TMEFF2: variants seen among roughly 807,000 people sequenced by gnomAD.
TMEFF2 encodes transmembrane protein with EGF like and two follistatin like domains 2.
TMEFF2 carries 28 observed loss-of-function variants against 53.8 expected under a neutral mutation model. That is an observed-to-expected ratio of 0.52 (90% CI 0.39 to 0.71). The LOEUF is 0.71. TMEFF2 is among the 30% of genes least tolerant of loss of function. The pLI is 0.00. For missense variants in TMEFF2, 353 were observed against 455.2 expected, an observed-to-expected ratio of 0.78 and a Z score of 2.04; for synonymous variants, 162 against 166.3, an observed-to-expected ratio of 0.97 and a Z score of 0.20.
chr2:191,951,180 T>C (rs1030300647), intron 9 of TMEFF2, among the ~76,000 whole-genome samples: 2 of 150,676 alleles, frequency 1.3e-5, no homozygotes, highest in Non-Finnish European at 3.0e-5. Context: ...TGTGTGTGTA[T>C]GTATGTGTAT....
At chr2:192,073,307 A>G (rs939388923) in intron 4 of TMEFF2, among the ~76,000 whole-genome samples, 9 of 151,916 alleles carry the variant, frequency 5.9e-5, no homozygotes, top group African/African-American at 1.9e-4. Context: ...GAAAACTGCT[A>G]TATGTTGACA....
intron 2 of TMEFF2, among the ~76,000 whole-genome samples, chr2:192,185,309 G>T (rs1691284560): frequency 6.6e-6 from 1 of 150,616 alleles, no homozygotes; most frequent in Admixed American, 6.6e-5. Context: ...ATGATACTTG[G>T]CTTTGTTCTA....
chr2:192,106,721 A>C, intron 4 of TMEFF2, among the ~76,000 whole-genome samples: 1 of 151,860 alleles, frequency 6.6e-6, no homozygotes, highest in East Asian at 1.9e-4. Context: ...TCCAAGATGA[A>C]TATATTGTCC....
chr2:192,050,780 AG>A (rs532881435), intron 5 of TMEFF2, among the ~76,000 whole-genome samples: 60 of 152,360 alleles, frequency 3.9e-4, no homozygotes, highest in Non-Finnish European at 6.2e-4. Flanking sequence ...GAAAAATATA[AG>A]CTGTTTATTT....
At chr2:191,973,912 A>G (rs908825124) in intron 7 of TMEFF2, among the ~76,000 whole-genome samples, 1 of 152,124 alleles carries the variant, frequency 6.6e-6, no homozygotes, top group Non-Finnish European at 1.5e-5. Context: ...GGATGTGTCT[A>G]CTTTCCCTTC....
chr2:192,011,900 T>A (rs1686635438), intron 5 of TMEFF2, among the ~76,000 whole-genome samples: 1 of 152,194 alleles, frequency 6.6e-6, no homozygotes, highest in African/African-American at 2.4e-5. Flanking sequence ...TTATCTTTTT[T>A]TTTTGAGACA....
At chr2:191,981,825 C>A (rs1398573881) in intron 7 of TMEFF2, among the ~76,000 whole-genome samples, 2 of 152,062 alleles carry the variant, frequency 1.3e-5, no homozygotes, top group African/African-American at 4.8e-5. Context: ...AATTCTGATC[C>A]CAACTAGCTA....
intron 4 of TMEFF2, among the ~76,000 whole-genome samples, chr2:192,075,889 G>A (rs1405399392): frequency 6.6e-6 from 1 of 151,860 alleles, no homozygotes; most frequent in Non-Finnish European, 1.5e-5. Flanking sequence ...TTTGTATTCT[G>A]TACTTGAGGA....
chr2:192,064,190 GTTTC>G (rs1688115278), intron 4 of TMEFF2, among the ~76,000 whole-genome samples: 1 of 151,664 alleles, frequency 6.6e-6, no homozygotes. Context: ...GGGAAGTAGT[GTTTC>G]TTTGTTATTA....
At chr2:191,976,230 C>A (rs577938615) in intron 7 of TMEFF2, among the ~76,000 whole-genome samples, 2 of 152,246 alleles carry the variant, frequency 1.3e-5, no homozygotes, top group Admixed American at 1.3e-4. Flanking sequence ...TAGATATTTC[C>A]TTATCTGTGA....
intron 5 of TMEFF2, among the ~76,000 whole-genome samples, chr2:192,051,350 G>C (rs1687766805): frequency 6.6e-6 from 1 of 151,846 alleles, no homozygotes; most frequent in Non-Finnish European, 1.5e-5. Context: ...AAACACCCTA[G>C]GGAGAAACTG....
intron 4 of TMEFF2, among the ~76,000 whole-genome samples, chr2:192,068,490 A>T (rs1688215801): frequency 6.6e-6 from 1 of 151,872 alleles, no homozygotes; most frequent in South Asian, 2.1e-4. Flanking sequence ...GAGTAAAAGG[A>T]TCAAGGGAGG....
chr2:192,007,489 A>G (rs1353378553), intron 5 of TMEFF2, among the ~76,000 whole-genome samples: 1 of 152,194 alleles, frequency 6.6e-6, no homozygotes, highest in African/African-American at 2.4e-5. Context: ...AGTGGTGGAG[A>G]GAATGCCTGG....
At chr2:192,097,314 T>C (rs1488971503) in intron 4 of TMEFF2, among the ~76,000 whole-genome samples, 1 of 152,234 alleles carries the variant, frequency 6.6e-6, no homozygotes, top group Non-Finnish European at 1.5e-5. Flanking sequence ...TTCCAGTTGA[T>C]TGTTGATTTG....
At chr2:191,974,965 T>C (rs924512428) in intron 7 of TMEFF2, among the ~76,000 whole-genome samples, 5 of 152,046 alleles carry the variant, frequency 3.3e-5, no homozygotes, top group African/African-American at 1.2e-4. Context: ...TACAAAGAGA[T>C]TAATTAATTA....
chr2:192,017,834 A>T (rs751715684), intron 5 of TMEFF2, among the ~76,000 whole-genome samples: 13 of 152,204 alleles, frequency 8.5e-5, no homozygotes, highest in Admixed American at 3.9e-4. Flanking sequence ...ACCATAAACT[A>T]ACATTAAAAA....
intron 4 of TMEFF2, among the ~76,000 whole-genome samples, chr2:192,075,316 T>TATATATAAATATAAATATAA (rs1398885322): frequency 1.7e-5 from 2 of 120,572 alleles, no homozygotes; most frequent in Non-Finnish European, 3.3e-5. Flanking sequence ...TATATATATA[T>TATATATAAATATAAATATAA]ATATATATAT....
chr2:192,107,889 A>ATC (rs997400481), intron 4 of TMEFF2, among the ~76,000 whole-genome samples: 62 of 151,890 alleles, frequency 4.1e-4, no homozygotes, highest in African/African-American at 1.4e-3. Context: ...TTCATCCTCT[A>ATC]TCTGCCTTAC....
At chr2:192,020,377 C>T (rs1045777915) in intron 5 of TMEFF2, among the ~76,000 whole-genome samples, 3 of 152,050 alleles carry the variant, frequency 2.0e-5, no homozygotes, top group Admixed American at 2.0e-4. Context: ...GTCGTTATTT[C>T]ATGAACATTT....
Sources: allele counts gnomAD v4.1 joint callset (sites outside exome capture counted in the v4.1 genomes callset), GRCh38; gene constraint gnomAD v4.1.1; transcripts MANE v1.5; gene names NCBI Gene and HGNC (gene_info 2026-07-23, HGNC 2026-07-21).